Variants in FAM170B observed in about 807,000 individuals in gnomAD.
FAM170B encodes protein FAM170B.
FAM170B carries 4 observed loss-of-function variants against 3.9 expected under a neutral mutation model. The ratio of observed to expected loss-of-function variants is 1.01; its 90% CI spans 0.50 to 2.32. The LOEUF (loss-of-function observed/expected upper bound fraction) is 2.32, where lower values mean the gene tolerates loss of function less well. Ranked by LOEUF, FAM170B falls within the 30% of genes most tolerant of loss-of-function variation. The probability of loss-of-function intolerance (pLI) is 0.02; values close to 1 mark genes in which losing one functional copy is unlikely to be tolerated. For synonymous variants in FAM170B, 163 were observed against 149.8 expected (o/e 1.09, Z -0.64); for missense variants, 417 against 368.6 (o/e 1.13, Z -1.07).
intron 1 of FAM170B, among the ~76,000 whole-genome samples, chr10:49,132,650 A>C (rs1277449874): frequency 6.6e-6 from 1 of 152,172 alleles, no homozygotes; most frequent in Non-Finnish European, 1.5e-5. Context: ...AGGATCAAAT[A>C]ATGTATTAGA....
At chr10:49,133,729 G>A in intron 1 of FAM170B, 78 bp downstream of exon 1, 2 of 1,214,418 alleles carry the variant, frequency 1.6e-6, no homozygotes, top group South Asian at 1.3e-5. Flanking sequence ...GAGGCAACCT[G>A]GCACTGTCCC....
Position 49,133,860 on chromosome 10 carries a change from A to T in FAM170B, c.59T>A (p.Leu20His). 1 of 1,551,688 alleles carries T rather than the reference A, an allele frequency of 6.4e-7. No individual in the cohort carries two copies. The highest frequency in any genetic ancestry group is 1.2e-5 in the South Asian group (1 of 84,054). Residue 20 changes from leucine to histidine, a missense_variant, in exon 1 of 2, where the codon CTC (leucine) becomes CAC (histidine). By Grantham distance (99) the Leu-to-His change is moderately conservative. Coordinates refer to ENST00000311787, the MANE Select transcript of FAM170B (RefSeq NM_001164484.2). ...GEQSPTDGTT[L>H]SLTSPESTEE... ...AGTGGACTCAGGGCTGGTCAAGCTG[A>T]GGGTGGTCCCATCGGTGGGTGACTG...
intron 1 of FAM170B, among the ~76,000 whole-genome samples, chr10:49,132,589 C>A (rs976710121): frequency 6.6e-6 from 1 of 151,832 alleles, no homozygotes; most frequent in Non-Finnish European, 1.5e-5. Context: ...CTGAGAAAGA[C>A]CATTAAATGG....
chr10:49,132,014 C>T lies in FAM170B; in HGVS notation c.451G>A (p.Gly151Ser), dbSNP rs1361773587. 6.4e-7 allele frequency: 1 copy of T among 1,551,760 alleles called. No individual in the cohort carries two copies. Among genetic ancestry groups the T allele is most frequent in the African/African-American group, 1.4e-5 (1 of 73,182 alleles). ...TTGGAAGCCATTTCGAAGGAGGAGC[C>T]GTTCCACCTCTGCCTCTTGATGAAC... ...AQFIKRQRWN[G>S]SSFEMASNTD... The change falls in exon 2 of 2, where the codon GGC (glycine) becomes AGC (serine). Residue 151 changes from glycine (G) to serine (S), a missense_variant. Coordinates refer to ENST00000311787, the MANE Select transcript of FAM170B (RefSeq NM_001164484.2).
intron 1 of FAM170B, among the ~76,000 whole-genome samples, chr10:49,132,743 A>G (rs1845203843): frequency 6.6e-6 from 1 of 152,162 alleles, no homozygotes; most frequent in South Asian, 2.1e-4. Context: ...TGTTAAATCC[A>G]TGAACCACTG....
intron 1 of FAM170B, 146 bp from the exon 2 acceptor site, chr10:49,132,498 A>G: frequency 2.3e-6 from 2 of 874,444 alleles, no homozygotes; most frequent in Admixed American, 3.0e-5. Context: ...TGAAAAAATG[A>G]AGATGGTGAT....
rs1487666897 is a variant in FAM170B, at chr10:49,132,029, T to C, written c.436A>G (p.Arg146Gly). The C allele has an allele frequency of 3.2e-6, 5 of 1,551,602 alleles. No homozygotes were observed. Among genetic ancestry groups the C allele is most frequent in the African/African-American group, 2.7e-5 (2 of 73,056 alleles). ...PRIHEAQFIK[R>G]QRWNGSSFEM... ...AAGGAGGAGCCGTTCCACCTCTGCC[T>C]CTTGATGAACTGGGCTTCATGGATG... Residue 146 changes from arginine to glycine, a missense_variant, in exon 2 of 2, where the codon AGG becomes GGG. Physicochemically the swap from Arg to Gly is moderately radical, Grantham distance 125 (BLOSUM62 -2). Coordinates refer to ENST00000311787, the MANE Select transcript of FAM170B (RefSeq NM_001164484.2).
In FAM170B at chr10:49,132,366, G is replaced by A. The variant is rs752909853; in HGVS notation, c.113-14C>T. On this transcript the variant is annotated splice_polypyrimidine_tract_variant and intron_variant, in intron 1 of 1. Coordinates refer to ENST00000311787, the MANE Select transcript of FAM170B (RefSeq NM_001164484.2). ...TCTGTATAGTCCCTGAGAAGCAGAA[G>A]GACATTGTCATCAGTGCCCTTTAAG... The A allele has an allele frequency of 1.3e-6, 2 of 1,518,132 alleles. No homozygotes were observed. Among genetic ancestry groups the A allele is most frequent in the Non-Finnish European group, 1.8e-6 (2 of 1,131,056 alleles). The allele number at this position is 1,518,132 out of a possible 1,614,324, so 94.0% of individuals were successfully genotyped here. A position where few individuals can be genotyped will look rare whatever the true frequency, so the allele number is the denominator to read the frequency against.
chr10:49,133,321 G>T (rs2132046330), intron 1 of FAM170B, among the ~76,000 whole-genome samples: 1 of 152,262 alleles, frequency 6.6e-6, no homozygotes, highest in East Asian at 1.9e-4. Context: ...AAATTATATT[G>T]TTAGGATTCC....
rs1355514565 is a variant in FAM170B, at chr10:49,131,760, G to A, written c.705C>T (p.Ile235=). 2 of 1,551,516 alleles carry A rather than the reference G, an allele frequency of 1.3e-6. No homozygotes were observed. The highest frequency in any genetic ancestry group is 1.7e-6 in the Non-Finnish European group (2 of 1,147,010). The change falls in exon 2 of 2, where the codon ATC becomes ATT. Residue 235 remains isoleucine, a synonymous_variant. Transcript: ENST00000311787. ...TTCTCTCCAGCATCTCCTCAAAAAA[G>A]ATCTGACAGCTGAAGCCCTCCCGGA... ...HGIREGFSCQ[I]FFEEMLERRR... is the part of the protein sequence containing the mutation.
Position 49,133,883 on chromosome 10 carries a change from C to G in FAM170B, c.36G>C (p.Gln12His). ...KCYFTDHRGE[Q>H]SPTDGTTLSL... ...TGAGGGTGGTCCCATCGGTGGGTGA[C>G]TGTTCTCCCCTGTGATCTGTGAAGT... Residue 12 changes from glutamine (Q) to histidine (H), a missense_variant, in exon 1 of 2, where the codon CAG (glutamine) becomes CAC (histidine). Transcript: ENST00000311787. 1 of 1,551,708 alleles carries G rather than the reference C, an allele frequency of 6.4e-7. No individual in the cohort carries two copies. Among genetic ancestry groups the G allele is most frequent in the Non-Finnish European group, 8.7e-7 (1 of 1,146,984 alleles).
rs757786364 is a variant in FAM170B at position 49,131,853 on chromosome 10, C to G, written c.612G>C (p.Val204=). ...AGACCCTGCAGCAGGCCACGCAGCG[C>G]ACCCCGTAGTTGGTGGTGACCAGCC... ...PDWLVTTNYG[V]RCVACCRVLP... is the part of the protein sequence containing the mutation. The change falls in exon 2 of 2, where the codon GTG becomes GTC. Residue 204 remains valine (V), a synonymous_variant. Transcript: ENST00000311787. 1.2e-5 allele frequency: 19 copies of G among 1,546,264 alleles called. No homozygotes were observed. The highest frequency in any genetic ancestry group is 1.5e-5 in the Non-Finnish European group (17 of 1,146,894).
Position 49,131,913 on chromosome 10 carries a change from C to T in FAM170B, c.552G>A (p.Glu184=), listed in dbSNP as rs1352234387. 2 of 1,548,436 alleles carry T rather than the reference C, an allele frequency of 1.3e-6. No homozygotes were observed. The highest frequency in any genetic ancestry group is 1.4e-5 in the African/African-American group (1 of 73,084). The change falls in exon 2 of 2, where the codon GAG becomes GAA. Residue 184 remains glutamate (E), a synonymous_variant. Transcript: ENST00000311787. ...SPEPEDIDLL[E]CCLQELREPP... Reference sequence around the variant, plus strand: ...GCTCCCGCAGCTCCTGCAGGCAGCACTCCAGCAGGTCTATGTCCTCGGGCT... The same window carrying T: ...GCTCCCGCAGCTCCTGCAGGCAGCATTCCAGCAGGTCTATGTCCTCGGGCT...
In FAM170B at chr10:49,131,821, G is replaced by A. The variant is rs1168861248; in HGVS notation, c.644C>T (p.Ser215Phe). The A allele has an allele frequency of 1.3e-6, 2 of 1,548,430 alleles. No individual in the cohort carries two copies. The highest frequency in any genetic ancestry group is 2.4e-5 in the East Asian group (1 of 40,910). Reference protein sequence around the residue: ...RCVACCRVLPSLDALLEHAQH... With the variant: ...RCVACCRVLPFLDALLEHAQH... ...GGCGTGCTCCAGCAGAGCGTCCAGG[G>A]AGGGCAAGACCCTGCAGCAGGCCAC... Residue 215 changes from serine (S) to phenylalanine (F), a missense_variant, in exon 2 of 2, where the codon TCC becomes TTC. Ser to Phe is a radical substitution (Grantham distance 155). Transcript: ENST00000311787.
At position 49,131,912 on chromosome 10, in the gene FAM170B, A is replaced by C. The variant is rs1446866082; in HGVS notation, c.553T>G (p.Cys185Gly). 3 of 1,548,316 alleles carry C rather than the reference A, an allele frequency of 1.9e-6. No individual in the cohort carries two copies. ...GGCTCCCGCAGCTCCTGCAGGCAGC[A>C]CTCCAGCAGGTCTATGTCCTCGGGC... ...PEPEDIDLLECCLQELREPPD... is the reference protein window; with the variant it reads ...PEPEDIDLLEGCLQELREPPD... The change falls in exon 2 of 2, where the codon TGC (cysteine) becomes GGC (glycine). Residue 185 changes from cysteine (C) to glycine (G), a missense_variant. Physicochemically the swap from Cys to Gly is radical, Grantham distance 159. Transcript: ENST00000311787.
Position 49,132,097 on chromosome 10 carries a change from C to T in FAM170B, c.368G>A (p.Trp123Ter), listed in dbSNP as rs536088466. Residue 123 changes from tryptophan (W) to a stop codon, truncating the protein, a stop_gained, in exon 2 of 2, where the codon TGG (tryptophan) becomes TAG (stop). Coordinates refer to ENST00000311787, the MANE Select transcript of FAM170B (RefSeq NM_001164484.2). LOFTEE classifies it low-confidence loss of function (END_TRUNC). ...VQTVRGVAVA[W>*]ETEAGFEPVT... ...CGGCTCGAAGCCGGCCTCCGTCTCC[C>T]AGGCCACAGCCACACCCCGCACAGT... 62 of 1,551,768 alleles carry T rather than the reference C, an allele frequency of 4.0e-5. No individual in the cohort carries two copies. The highest frequency in any genetic ancestry group is 5.1e-5 in the Non-Finnish European group (58 of 1,147,008).
At chr10:49,132,913 T>C (rs1164220053) in intron 1 of FAM170B, among the ~76,000 whole-genome samples, 1 of 152,012 alleles carries the variant, frequency 6.6e-6, no homozygotes, top group Non-Finnish European at 1.5e-5. Flanking sequence ...GGCAAATTTT[T>C]AGCAACAGAG....
chr10:49,132,464 A>G (rs539974897), intron 1 of FAM170B, 112 bp from the exon 2 acceptor site: 3 of 1,187,860 alleles, frequency 2.5e-6, no homozygotes, highest in African/African-American at 3.1e-5. Flanking sequence ...TCTTGAGCAA[A>G]CACCGCCCCC....
Position 49,131,469 on chromosome 10 carries a change from C to G in FAM170B, c.*144G>C, listed in dbSNP as rs957395993. On this transcript the variant is annotated 3_prime_UTR_variant, in exon 2 of 2. Transcript: ENST00000311787. Reference sequence around the variant, plus strand: ...AGGGGGTTCCTTCCAGTCTCCTGGCCCTCCTTGCTCTACACTCCATGCCTT... The same window carrying G: ...AGGGGGTTCCTTCCAGTCTCCTGGCGCTCCTTGCTCTACACTCCATGCCTT... 2.5e-6 allele frequency: 3 copies of G among 1,218,604 alleles called. No homozygotes were observed. The African/African-American group carries it at 4.6e-5, about 19-fold the overall frequency. The allele number at this position is 1,218,604 out of a possible 1,614,324, so 75.5% of individuals were successfully genotyped here.
Sources: allele counts gnomAD v4.1 joint callset (sites outside exome capture counted in the v4.1 genomes callset), GRCh38; gene constraint gnomAD v4.1.1; transcripts MANE v1.5; gene names NCBI Gene and HGNC (gene_info 2026-07-23, HGNC 2026-07-21).